The following MAP4 variants were observed in gnomAD, a reference collection of about 807,000 sequenced individuals.
MAP4 encodes microtubule associated protein 4, also known as microtubule-associated protein 4.
In MAP4, 76 loss-of-function variants were observed where a neutral mutation model predicts 170.2. The ratio of observed to expected loss-of-function variants is 0.45; its 90% confidence interval spans 0.37 to 0.54. MAP4 has a LOEUF of 0.54. MAP4 is among the 20% of genes least tolerant of loss of function. The pLI is 0.00. For synonymous variants in MAP4, 909 were observed against 994.5 expected, an observed-to-expected ratio of 0.91 and a Z score of 1.62; for missense variants, 2,506 against 2,748.0, an observed-to-expected ratio of 0.91 and a Z score of 1.97.
chr3:47,859,209 T>C (rs2061696986), intron 17 of MAP4, among the ~76,000 whole-genome samples: 1 of 152,158 alleles, frequency 6.6e-6, no homozygotes. Context: ...AGCATTCCTG[T>C]GAGCGGCCCC....
At chr3:47,995,996 T>G (rs893401201) in intron 2 of MAP4, among the ~76,000 whole-genome samples, 15 of 152,220 alleles carry the variant, frequency 9.9e-5, no homozygotes. Context: ...CACACTCATT[T>G]GCAGGATTGT....
chr3:47,943,395 T>TGAGGTCAA (rs1275284615), intron 3 of MAP4, among the ~76,000 whole-genome samples: 4 of 152,068 alleles, frequency 2.6e-5, no homozygotes, highest in Non-Finnish European at 2.9e-5. Context: ...ACAGATGACA[T>TGAGGTCAA]GAGGTCAAGA....
At chr3:48,006,492 G>C (rs930958077) in intron 1 of MAP4, among the ~76,000 whole-genome samples, 4 of 152,088 alleles carry the variant, frequency 2.6e-5, no homozygotes, top group Non-Finnish European at 5.9e-5. Context: ...CTCATCCTGT[G>C]GTCATTACCC....
At position 47,881,446 on chromosome 3, in the gene MAP4, CTATATATATA is replaced by C. The variant is rs56923064; in HGVS notation, c.5435-3933_5435-3924del. 9.7e-3 allele frequency among the ~76,000 whole-genome samples: 481 copies of C among 49,400 alleles called. 9 individuals carry two copies. The highest frequency in any genetic ancestry group is 0.029 in the African/African-American group (305 of 10,588). 32.4% of individuals were successfully genotyped at this position (49,400 alleles called of 152,430 possible). A position where few individuals can be genotyped will look rare whatever the true frequency, so the allele number is the denominator to read the frequency against. ...CAGCCTGGGCAACAAGAAAAAACAA[CTATATATATA>C]TATATATATATATATATATATATAT... On this transcript the variant is annotated intron_variant, in intron 10 of 20. Coordinates refer to ENST00000683076, the MANE Select transcript of MAP4 (RefSeq NM_001385682.1).
Position 47,980,448 on chromosome 3 carries a change from C to CACAA in MAP4, c.224-2519_224-2516dup, listed in dbSNP as rs1216484527. Among the ~76,000 whole-genome samples the CACAA allele has an allele frequency of 2.0e-5, 3 of 152,174 alleles. No individual in the cohort carries two copies. The East Asian group carries it at 5.8e-4, about 29-fold the overall frequency. ...AATGCAAGATTTTACTTTGGAAGAC[C>CACAA]ACAAACATGCTGTCCAACCCCTTAG... On this transcript the variant is annotated intron_variant, in intron 2 of 20. Transcript: ENST00000683076.
At chr3:48,013,441 C>A (rs1328608585) in intron 1 of MAP4, 1 of 152,102 alleles carries the variant, frequency 6.6e-6, no homozygotes, top group Non-Finnish European at 1.5e-5. Flanking sequence ...AGTCTGTATG[C>A]TTTACTGAAG....
chr3:47,931,287 A>G (rs1237079383), intron 3 of MAP4, among the ~76,000 whole-genome samples: 1 of 152,122 alleles, frequency 6.6e-6, no homozygotes, highest in Non-Finnish European at 1.5e-5. Context: ...ATGCTAAAGC[A>G]GGAAGATTGC....
rs561615009 is a variant in MAP4, at chr3:48,050,033, G to A, written c.-20+38740C>T. ...CCAGCAATTTGGGAGGCCAAGGCGG[G>A]TGGATCACCGGAGGTCAAGAGTTTG... On this transcript the variant is annotated intron_variant, in intron 1 of 18. Coordinates refer to the MAP4 transcript ENST00000360240. Among the ~76,000 whole-genome samples, 6 of 151,080 alleles carry A rather than the reference G, an allele frequency of 4.0e-5. No homozygotes were observed. The East Asian group carries it at 7.9e-4, about 20-fold the overall frequency.
chr3:47,968,978 T>TAG (rs1470090719), intron 3 of MAP4, among the ~76,000 whole-genome samples: 4 of 152,278 alleles, frequency 2.6e-5, no homozygotes, highest in Admixed American at 2.0e-4. Context: ...AAACAAATTA[T>TAG]ATAACCTAGA....
intron 11 of MAP4, 126 bp downstream of exon 11, chr3:47,877,291 A>T (rs139305059): frequency 1.4e-6 from 1 of 712,490 alleles, no homozygotes; most frequent in Non-Finnish European, 2.4e-6. Flanking sequence ...AAGCATGTCC[A>T]AACATGAGGA....
intron 1 of MAP4, among the ~76,000 whole-genome samples, chr3:48,035,315 AAAAG>A (rs1244130465): frequency 6.6e-6 from 1 of 151,496 alleles, no homozygotes; most frequent in Non-Finnish European, 1.5e-5. Flanking sequence ...GGAAAAAAAA[AAAAG>A]AAACTCCAAC....
At chr3:48,036,754 G>C (rs1315249838) in intron 1 of MAP4, among the ~76,000 whole-genome samples, 1 of 152,178 alleles carries the variant, frequency 6.6e-6, no homozygotes, top group Non-Finnish European at 1.5e-5. Flanking sequence ...AACCAAATGA[G>C]TGAAGGCGGC....
intron 3 of MAP4, among the ~76,000 whole-genome samples, chr3:47,934,145 G>A (rs1228388306): frequency 6.6e-6 from 1 of 152,132 alleles, no homozygotes; most frequent in Non-Finnish European, 1.5e-5. Flanking sequence ...AGAGGGACAG[G>A]ACATCAAGAG....
At chr3:48,036,051 A>G (rs547760100) in intron 1 of MAP4, among the ~76,000 whole-genome samples, 1 of 152,326 alleles carries the variant, frequency 6.6e-6, no homozygotes, top group Admixed American at 6.5e-5. Context: ...GGACATAGAT[A>G]ACCCCATTTA....
At chr3:47,889,530 A>G (rs980224058) in intron 10 of MAP4, among the ~76,000 whole-genome samples, 2 of 152,254 alleles carry the variant, frequency 1.3e-5, no homozygotes, top group Non-Finnish European at 2.9e-5. Context: ...ATCTTCCTAT[A>G]AAAGTTTTAT....
intron 1 of MAP4, among the ~76,000 whole-genome samples, chr3:48,033,252 GATAA>G (rs1343655103): frequency 1.3e-5 from 2 of 152,176 alleles, no homozygotes; most frequent in African/African-American, 4.8e-5. Context: ...GTTTCTCAGG[GATAA>G]AGAAGGTAAG....
Position 47,852,762 on chromosome 3 carries a change from G to T in MAP4, c.*172C>A. 1 of 1,543,908 alleles carries T rather than the reference G, an allele frequency of 6.5e-7. No individual in the cohort carries two copies. ...GGAGGGAAGGCGAGCCTAGCGGGCTGCCCAGCACGGCGCCCAAGCGCTCAC... is the reference window on the plus strand; with the variant it reads ...GGAGGGAAGGCGAGCCTAGCGGGCTTCCCAGCACGGCGCCCAAGCGCTCAC... On this transcript the variant is annotated 3_prime_UTR_variant, in exon 21 of 21. Transcript: ENST00000683076.
At chr3:48,055,597 C>T (rs1419425561) in intron 1 of MAP4, among the ~76,000 whole-genome samples, 1 of 134,478 alleles carries the variant, frequency 7.4e-6, no homozygotes, top group East Asian at 2.2e-4. Context: ...CCCAAAGTGC[C>T]GAGATTGCAG....
At chr3:48,011,483 G>A (rs975042622) in intron 1 of MAP4, among the ~76,000 whole-genome samples, 1 of 151,690 alleles carries the variant, frequency 6.6e-6, no homozygotes, top group Admixed American at 6.6e-5. Context: ...AACCCAGGAG[G>A]TGGAGGCTGC....
Sources: allele counts gnomAD v4.1 joint callset (sites outside exome capture counted in the v4.1 genomes callset), GRCh38; gene constraint gnomAD v4.1.1; transcripts MANE v1.5; gene names NCBI Gene and HGNC (gene_info 2026-07-23, HGNC 2026-07-21).